KALRN: variants seen among roughly 807,000 people sequenced by gnomAD.
KALRN encodes the protein kalirin RhoGEF kinase, also known as kalirin.
Under a neutral mutation model 353.7 loss-of-function variants are expected in KALRN, and 70 were observed. The observed-to-expected ratio is 0.20, with a 90% confidence interval of 0.16 to 0.24. KALRN has a LOEUF of 0.24. Among genes scored for constraint, KALRN ranks in the 10% least tolerant of loss-of-function variants. The probability of loss-of-function intolerance (pLI) is 1.00; values close to 1 mark genes in which losing one functional copy is unlikely to be tolerated. For missense variants in KALRN, 2,791 were observed against 3,756.7 expected (o/e 0.74, Z 6.72); for synonymous variants, 1,391 against 1,434.8 (o/e 0.97, Z 0.69).
chr3:124,142,810 T>A (rs2066800656), intron 1 of KALRN, among the ~76,000 whole-genome samples: 1 of 152,210 alleles, frequency 6.6e-6, no homozygotes, highest in Non-Finnish European at 1.5e-5. Context: ...GAATAAATCA[T>A]CACTGTTGCA....
chr3:124,278,357 T>C (rs910378003), intron 5 of KALRN, among the ~76,000 whole-genome samples: 2 of 151,660 alleles, frequency 1.3e-5, no homozygotes, highest in East Asian at 3.9e-4. Context: ...AGAAAAAGCA[T>C]GGAGGTGGTC....
rs777924359 is a variant in KALRN, at chr3:124,697,666, C to G, written c.7773C>G (p.Pro2591=). 2.5e-6 allele frequency: 4 copies of G among 1,606,616 alleles called. No homozygotes were observed. The highest frequency in any genetic ancestry group is 3.4e-6 in the Non-Finnish European group (4 of 1,176,418). ...CCTCCGTGATTCTCCGCTGGCTGCC[C>G]CCCTCCAGCACAGGAAACTGCACTA... ...SCTSVILRWL[P]PSSTGNCTIS... The change falls in exon 55 of 60, where the codon CCC becomes CCG. Residue 2591 remains proline, a synonymous_variant. Coordinates refer to ENST00000682506, the MANE Select transcript of KALRN (RefSeq NM_001388419.1).
chr3:124,353,808 GT>G (rs2083092390), intron 10 of KALRN, among the ~76,000 whole-genome samples: 1 of 152,114 alleles, frequency 6.6e-6, no homozygotes, highest in African/African-American at 2.4e-5. Flanking sequence ...AAAAATTAAT[GT>G]CATGAAGTGG....
At chr3:124,547,700 G>T (rs13325784) in intron 33 of KALRN, among the ~76,000 whole-genome samples, 2 of 151,638 alleles carry the variant, frequency 1.3e-5, no homozygotes, top group Non-Finnish European at 2.9e-5. Flanking sequence ...ATATCTGATG[G>T]TTACAATGTG....
chr3:124,361,035 A>G (rs1348076747), intron 10 of KALRN, among the ~76,000 whole-genome samples: 3 of 152,246 alleles, frequency 2.0e-5, no homozygotes, highest in Non-Finnish European at 2.9e-5. Flanking sequence ...TTTACAAGGA[A>G]TACCTCACTT....
chr3:124,157,336 T>C (rs1406730122), intron 1 of KALRN, among the ~76,000 whole-genome samples: 1 of 152,164 alleles, frequency 6.6e-6, no homozygotes, highest in Non-Finnish European at 1.5e-5. Flanking sequence ...CAGGGCTGCT[T>C]CTCACTTCCA....
intron 8 of KALRN, among the ~76,000 whole-genome samples, chr3:124,330,534 A>T (rs1296340301): frequency 6.6e-6 from 1 of 152,180 alleles, no homozygotes; most frequent in Admixed American, 6.5e-5. Flanking sequence ...AGCTTCCATG[A>T]ATGTGAAGGA....
chr3:124,556,944 A>T lies in KALRN; in HGVS notation c.4936-5899A>T, dbSNP rs190373216. Among the ~76,000 whole-genome samples, 825 of 152,316 alleles carry T rather than the reference A, an allele frequency of 5.4e-3. 6 individuals are homozygous for T. The highest frequency in any genetic ancestry group is 0.01 in the Middle Eastern group (3 of 294). ...ACTGTACGTCTTGTCCTCTTAAAAA[A>T]TTTTTTACTTTATATAAGTATTTAA... On this transcript the variant is annotated intron_variant, in intron 33 of 59. Transcript: ENST00000682506.
intron 36 of KALRN, among the ~76,000 whole-genome samples, chr3:124,634,551 G>C (rs755026448): frequency 2.6e-5 from 4 of 152,214 alleles, no homozygotes; most frequent in South Asian, 2.1e-4. Flanking sequence ...GATGCCCCCT[G>C]TGTCTCCAGT....
intron 10 of KALRN, among the ~76,000 whole-genome samples, chr3:124,376,584 T>G (rs1055763684): frequency 6.6e-6 from 1 of 152,234 alleles, no homozygotes; most frequent in African/African-American, 2.4e-5. Flanking sequence ...TATATCACCC[T>G]CCTTAATCAT....
Position 124,719,067 on chromosome 3 carries a change from A to G in KALRN, c.8558A>G (p.Gln2853Arg). 1 of 1,614,208 alleles carries G rather than the reference A, an allele frequency of 6.2e-7. No homozygotes were observed. The highest frequency in any genetic ancestry group is 8.5e-7 in the Non-Finnish European group (1 of 1,180,042). ...NPEFAAPEVIQGIPVSLGTDI... is the reference protein window; with the variant it reads ...NPEFAAPEVIRGIPVSLGTDI... Reference sequence around the variant, plus strand: ...GAGTTTGCTGCCCCAGAAGTCATTCAAGGCATCCCCGTCTCCCTGGGGACA... The same window carrying G: ...GAGTTTGCTGCCCCAGAAGTCATTCGAGGCATCCCCGTCTCCCTGGGGACA... Residue 2853 changes from glutamine to arginine, a missense_variant, in exon 60 of 60, where the codon CAA becomes CGA. By Grantham distance (43) the Gln-to-Arg change is conservative. Transcript: ENST00000682506. The surrounding 1 kb of genome is among the most constrained non-coding windows in gnomAD (Gnocchi z 5.3).
At position 124,446,415 on chromosome 3, in the gene KALRN, T is replaced by A. The variant is rs2093841075; in HGVS notation, c.3429+139T>A. The A allele has an allele frequency of 1.8e-5, 12 of 651,608 alleles. No individual in the cohort carries two copies. The East Asian group carries it at 3.3e-4, about 18-fold the overall frequency. 40.4% of individuals were successfully genotyped at this position (651,608 alleles called of 1,614,324 possible). ...AATAAAGAAGAAAGAAAGCAGGTTGTCACCTGTCAGCAGTTCAGCATTTAC... is the reference window on the plus strand; with the variant it reads ...AATAAAGAAGAAAGAAAGCAGGTTGACACCTGTCAGCAGTTCAGCATTTAC... On this transcript the variant is annotated intron_variant, in intron 20 of 59. Transcript: ENST00000682506.
chr3:124,498,448 T>C (rs893905582), intron 33 of KALRN, among the ~76,000 whole-genome samples: 2 of 152,186 alleles, frequency 1.3e-5, no homozygotes, highest in African/African-American at 4.8e-5. Context: ...ACATAGAGGC[T>C]CAGGAGATAC....
chr3:124,192,556 GC>G (rs2075038402), intron 1 of KALRN, among the ~76,000 whole-genome samples: 1 of 152,134 alleles, frequency 6.6e-6, no homozygotes, highest in Non-Finnish European at 1.5e-5. Flanking sequence ...AAGGATAAAT[GC>G]TTGAGAGGAT....
intron 6 of KALRN, among the ~76,000 whole-genome samples, chr3:124,315,054 A>G (rs2078676127): frequency 6.6e-6 from 1 of 152,138 alleles, no homozygotes; most frequent in Admixed American, 6.5e-5. Context: ...CCTGACCCAA[A>G]CAAGTCCCAC....
At position 124,683,585 on chromosome 3, in the gene KALRN, C is replaced by T. The variant is rs568939591; in HGVS notation, c.7377+4068C>T. 3.3e-5 allele frequency among the ~76,000 whole-genome samples: 5 copies of T among 152,296 alleles called. No individual in the cohort carries two copies. The South Asian group carries it at 1.0e-3, about 32-fold the overall frequency. ...GTAATTACATGCATTTTAACTAAAA[C>T]AAAACAAAACCCAATACCTCTTGTA... On this transcript the variant is annotated intron_variant, in intron 51 of 59. Coordinates refer to ENST00000682506, the MANE Select transcript of KALRN (RefSeq NM_001388419.1).
chr3:124,571,656 G>A (rs1316433994), intron 34 of KALRN, among the ~76,000 whole-genome samples: 1 of 151,988 alleles, frequency 6.6e-6, no homozygotes, highest in Non-Finnish European at 1.5e-5. Flanking sequence ...AATTTAAAGG[G>A]ATTAACCAAA....
At chr3:124,418,733 G>A (rs1438784943) in intron 14 of KALRN, among the ~76,000 whole-genome samples, 3 of 152,192 alleles carry the variant, frequency 2.0e-5, no homozygotes, top group Non-Finnish European at 4.4e-5. Flanking sequence ...GTGGCTTTTA[G>A]CCCTAAAGAA....
chr3:124,621,470 G>C (rs1283654676), intron 34 of KALRN, among the ~76,000 whole-genome samples: 1 of 152,194 alleles, frequency 6.6e-6, no homozygotes, highest in East Asian at 1.9e-4. Context: ...GGAGGCAGGG[G>C]TTTGCGCTAT....
Sources: gnomAD v4.1 joint callset for allele counts (sites outside exome capture counted in the v4.1 genomes callset) on GRCh38, gnomAD v4.1.1 for gene constraint, Gnocchi (gnomAD v3.1) non-coding constraint, MANE v1.5 for transcripts, NCBI Gene and HGNC (gene_info 2026-07-23, HGNC 2026-07-21) for gene names.